The following CIB4 variants were observed in gnomAD, a reference collection of about 807,000 sequenced individuals.
CIB4 encodes calcium and integrin-binding family member 4.
In CIB4, 25 loss-of-function variants were observed where a neutral mutation model predicts 25.8. The observed-to-expected ratio is 0.97, with a 90% CI of 0.71 to 1.35. The LOEUF (loss-of-function observed/expected upper bound fraction) is 1.35, where lower values mean the gene tolerates loss of function less well. CIB4 is among the 40% of genes most tolerant of loss of function. The probability of loss-of-function intolerance (pLI) is 0.00; values close to 1 mark genes in which losing one functional copy is unlikely to be tolerated. For missense variants in CIB4, 235 were observed against 228.2 expected (o/e 1.03, Z -0.19); for synonymous variants, 75 against 81.4 (o/e 0.92, Z 0.42).
In CIB4 at chr2:26,641,325, C is replaced by A. The variant is rs1558578540; in HGVS notation, c.-11G>T. ...CAAGCATTGCCCCATGCCAACCACACCTTTCTGTCTGCCAGCAGTAGAACC... is the reference window on the plus strand; with the variant it reads ...CAAGCATTGCCCCATGCCAACCACAACTTTCTGTCTGCCAGCAGTAGAACC... On this transcript the variant is annotated 5_prime_UTR_variant, in exon 1 of 7. Transcript: ENST00000288861. 3 of 1,612,946 alleles carry A rather than the reference C, an allele frequency of 1.9e-6. No individual in the cohort carries two copies. The highest frequency in any genetic ancestry group is 2.2e-5 in the East Asian group (1 of 44,844).
At chr2:26,597,082 A>T (rs1449445012) in intron 3 of CIB4, among the ~76,000 whole-genome samples, 1 of 152,210 alleles carries the variant, frequency 6.6e-6, no homozygotes, top group Non-Finnish European at 1.5e-5. Context: ...CTTTGAAGAG[A>T]ATATTTTTAA....
chr2:26,619,610 A>G (rs1259646863), intron 3 of CIB4, among the ~76,000 whole-genome samples: 1 of 152,204 alleles, frequency 6.6e-6, no homozygotes, highest in East Asian at 1.9e-4. Context: ...ACAAAAACAT[A>G]GAGACCTGAC....
In CIB4 at chr2:26,627,847, T is replaced by C. The variant is rs915199880; in HGVS notation, c.186+1563A>G. Among the ~76,000 whole-genome samples, 2 of 152,002 alleles carry C rather than the reference T, an allele frequency of 1.3e-5. No individual in the cohort carries two copies. The highest frequency in any genetic ancestry group is 4.8e-5 in the African/African-American group (2 of 41,388). On this transcript the variant is annotated intron_variant, in intron 3 of 6. Coordinates refer to ENST00000288861, the MANE Select transcript of CIB4 (RefSeq NM_001029881.3). This position sits in a 1 kb window ranked among gnomAD's most constrained non-coding sequence, Gnocchi z 4.0. ...ACCCAGCTTTGTGCATTTTCCTCTG[T>C]CTCTGTCTGCCCTACAGATAGGCCT...
At position 26,600,270 on chromosome 2, in the gene CIB4, T is replaced by G. The variant is rs550639317; in HGVS notation, c.187-4953A>C. 8.6e-5 allele frequency among the ~76,000 whole-genome samples: 13 copies of G among 151,154 alleles called. No homozygotes were observed. The South Asian group carries it at 2.5e-3, about 29-fold the overall frequency. Reference sequence around the variant, plus strand: ...AAATACAAAAATTAGCCAGGCGTGGTGGTGAGCGCCTGTAATCCCAGCTAC... The same window carrying G: ...AAATACAAAAATTAGCCAGGCGTGGGGGTGAGCGCCTGTAATCCCAGCTAC... On this transcript the variant is annotated intron_variant, in intron 3 of 6. Coordinates refer to ENST00000288861, the MANE Select transcript of CIB4 (RefSeq NM_001029881.3).
intron 3 of CIB4, among the ~76,000 whole-genome samples, chr2:26,595,647 GAGGTAGA>G (rs1668668071): frequency 6.6e-6 from 1 of 152,254 alleles, no homozygotes; most frequent in African/African-American, 2.4e-5. Context: ...CCTTCTCTAT[GAGGTAGA>G]AATCATGAGC....
At chr2:26,595,996 C>T (rs1668676356) in intron 3 of CIB4, among the ~76,000 whole-genome samples, 1 of 152,058 alleles carries the variant, frequency 6.6e-6, no homozygotes, top group South Asian at 2.1e-4. Flanking sequence ...ACGAATAGTA[C>T]CTATGACACA....
At chr2:26,582,368 A>G (rs955404734) in intron 6 of CIB4, among the ~76,000 whole-genome samples, 2 of 152,188 alleles carry the variant, frequency 1.3e-5, no homozygotes, top group Non-Finnish European at 2.9e-5. Flanking sequence ...TGGGCCTCAG[A>G]AGACCCTTTG....
At chr2:26,597,850 G>GGAGA (rs754827399) in intron 3 of CIB4, among the ~76,000 whole-genome samples, 3 of 151,884 alleles carry the variant, frequency 2.0e-5, no homozygotes, top group Non-Finnish European at 4.4e-5. Context: ...CCAGCAAGTG[G>GGAGA]GAGAGCCGGC....
intron 3 of CIB4, among the ~76,000 whole-genome samples, chr2:26,607,495 C>T (rs1420286253): frequency 1.3e-5 from 2 of 152,174 alleles, no homozygotes; most frequent in South Asian, 2.1e-4. Flanking sequence ...TATCTTATAA[C>T]ACATTAAACA....
rs1669328542 is a variant in CIB4, at chr2:26,627,287, G to C, written c.186+2123C>G. 6.6e-6 allele frequency among the ~76,000 whole-genome samples: 1 copy of C among 152,204 alleles called. No individual in the cohort carries two copies. The highest frequency in any genetic ancestry group is 1.5e-5 in the Non-Finnish European group (1 of 68,042). ...GCTGACTCCCCCAGAGCAGGAACTA[G>C]TCCAGACTCTTCCATCATGTGGCCC... is the stretch of plus-strand genomic sequence containing the variant. On this transcript the variant is annotated intron_variant, in intron 3 of 6. Coordinates refer to ENST00000288861, the MANE Select transcript of CIB4 (RefSeq NM_001029881.3). The surrounding 1 kb of genome is among the most constrained non-coding windows in gnomAD (Gnocchi z 4.0).
chr2:26,589,072 CTCTTCTTCTTCTTCTTCT>C (rs1184325583), intron 4 of CIB4, among the ~76,000 whole-genome samples: 2 of 40,836 alleles, frequency 4.9e-5, no homozygotes, highest in African/African-American at 2.8e-4. Context: ...CTTCCTCTTC[CTCTTCTTCTTCTTCTTCT>C]TCTTCTTCTT....
intron 2 of CIB4, among the ~76,000 whole-genome samples, chr2:26,637,163 G>T (rs1408474569): frequency 6.6e-6 from 1 of 152,126 alleles, no homozygotes; most frequent in Non-Finnish European, 1.5e-5. Context: ...GTTGATTGTG[G>T]ATTGCAGAGG....
Position 26,639,661 on chromosome 2 carries a change from C to T in CIB4, c.89+872G>A, listed in dbSNP as rs370840831. ...ACTGGGTGACAGCCCCTGGTTAGCT[C>T]CCCGTGCCCTGGCCATCCCCCATCC... is the stretch of plus-strand genomic sequence containing the variant. On this transcript the variant is annotated intron_variant, in intron 2 of 6. Coordinates refer to ENST00000288861, the MANE Select transcript of CIB4 (RefSeq NM_001029881.3). Among the ~76,000 whole-genome samples, 3 of 152,244 alleles carry T rather than the reference C, an allele frequency of 2.0e-5. No individual in the cohort carries two copies. In the South Asian group the frequency reaches 6.2e-4, roughly 32 times the overall value.
intron 4 of CIB4, among the ~76,000 whole-genome samples, chr2:26,586,343 C>G (rs1668452832): frequency 6.6e-6 from 1 of 152,232 alleles, no homozygotes; most frequent in Non-Finnish European, 1.5e-5. Flanking sequence ...TCGGGACACT[C>G]TCACCCAGAG....
rs1259007942 is a variant in CIB4, at chr2:26,581,361, C to T, written c.*2G>A. 1 of 1,613,514 alleles carries T rather than the reference C, an allele frequency of 6.2e-7. No individual in the cohort carries two copies. Among genetic ancestry groups the T allele is most frequent in the South Asian group, 1.1e-5 (1 of 91,048 alleles). Reference sequence around the variant, plus strand: ...CTGCCATGTCAGGTGTTTGCCGCTACATCAGCATCCCCAGAAGTGAATCCG... The same window carrying T: ...CTGCCATGTCAGGTGTTTGCCGCTATATCAGCATCCCCAGAAGTGAATCCG... On this transcript the variant is annotated 3_prime_UTR_variant, in exon 7 of 7. Coordinates refer to ENST00000288861, the MANE Select transcript of CIB4 (RefSeq NM_001029881.3).
intron 3 of CIB4, among the ~76,000 whole-genome samples, chr2:26,596,674 G>A (rs1450557589): frequency 1.3e-5 from 2 of 152,048 alleles, no homozygotes; most frequent in Non-Finnish European, 2.9e-5. Flanking sequence ...TTGAACCTGG[G>A]AGGCAGGGGC....
chr2:26,604,422 G>A (rs35766826), intron 3 of CIB4, among the ~76,000 whole-genome samples: 4,051 of 152,024 alleles, frequency 0.027, 111 homozygotes, highest in Non-Finnish European at 0.03. Flanking sequence ...TTCTCCAGAG[G>A]CAGGAAACAC....
chr2:26,619,808 G>A (rs1203201828), intron 3 of CIB4, among the ~76,000 whole-genome samples: 2 of 150,160 alleles, frequency 1.3e-5, no homozygotes, highest in Non-Finnish European at 3.0e-5. Context: ...CCCACAGCGG[G>A]GAAGGCAACA....
chr2:26,603,352 A>G (rs1282089701), intron 3 of CIB4, among the ~76,000 whole-genome samples: 7 of 152,228 alleles, frequency 4.6e-5, no homozygotes, highest in Admixed American at 3.9e-4. Context: ...GCATTAATAC[A>G]ATGCAAGCAC....
Sources: allele counts gnomAD v4.1 joint callset (sites outside exome capture counted in the v4.1 genomes callset), GRCh38; gene constraint gnomAD v4.1.1; non-coding constraint Gnocchi (gnomAD v3.1); transcripts MANE v1.5; gene names NCBI Gene and HGNC (gene_info 2026-07-23, HGNC 2026-07-21).